SOX6: variants seen among roughly 807,000 people sequenced by gnomAD.
SOX6 encodes transcription factor SOX-6.
SOX6 carries 11 observed loss-of-function variants against 97.8 expected under a neutral mutation model. That is an observed-to-expected ratio of 0.11 (90% CI 0.07 to 0.19). The LOEUF (loss-of-function observed/expected upper bound fraction) is 0.19. Among genes scored for constraint, SOX6 ranks in the 10% least tolerant of loss-of-function variants. The pLI, the probability that SOX6 is intolerant of heterozygous loss-of-function variation, is 1.00. For synonymous variants in SOX6, 360 were observed against 371.4 expected, an observed-to-expected ratio of 0.97 and a Z score of 0.35; for missense variants, 810 against 1,039.5, an observed-to-expected ratio of 0.78 and a Z score of 3.04.
At chr11:16,505,716 C>T (rs542106993) in intron 4 of SOX6, among the ~76,000 whole-genome samples, 142 of 152,298 alleles carry the variant, frequency 9.3e-4, no homozygotes, top group African/African-American at 3.4e-3. Context: ...GTTCTGTGAG[C>T]CATACTCAGG....
chr11:16,479,069 G>A (rs1860299615), upstream of SOX6, among the ~76,000 whole-genome samples: 1 of 151,962 alleles, frequency 6.6e-6, no homozygotes, highest in African/African-American at 2.4e-5. Flanking sequence ...AAAAATAATG[G>A]CCTTTCCCAT....
intron 4 of SOX6, among the ~76,000 whole-genome samples, chr11:16,575,542 A>G (rs990142056): frequency 6.6e-6 from 1 of 152,262 alleles, no homozygotes; most frequent in African/African-American, 2.4e-5. Flanking sequence ...TGATATTCAC[A>G]CAATAAAAAT....
At chr11:16,304,133 C>T (rs1855346948) in intron 3 of SOX6, among the ~76,000 whole-genome samples, 1 of 152,150 alleles carries the variant, frequency 6.6e-6, no homozygotes, top group South Asian at 2.1e-4. Flanking sequence ...CCAAGCTGGT[C>T]TCAAACTCCT....
Position 16,108,783 on chromosome 11 carries a change from A to T in SOX6, c.898+3020T>A, listed in dbSNP as rs1292670043. Among the ~76,000 whole-genome samples the T allele has an allele frequency of 3.3e-5, 5 of 152,332 alleles. No individual in the cohort carries two copies. The East Asian group carries it at 9.6e-4, about 29-fold the overall frequency. ...AGGTGGGAGAGCTTGCCTAGTGTTT[A>T]CTACACGCTGGGACTCTGAAATGCC... On this transcript the variant is annotated intron_variant, in intron 7 of 15. Transcript: ENST00000683767.
At chr11:16,486,804 C>T (rs779514099) in intron 4 of SOX6, among the ~76,000 whole-genome samples, 8 of 151,980 alleles carry the variant, frequency 5.3e-5, no homozygotes, top group East Asian at 3.9e-4. Flanking sequence ...ACCAAGATTG[C>T]GCCACTGCAC....
chr11:16,001,447 G>C (rs1854406057), intron 13 of SOX6, among the ~76,000 whole-genome samples: 1 of 152,164 alleles, frequency 6.6e-6, no homozygotes, highest in Admixed American at 6.6e-5. Context: ...TGATTAACCA[G>C]TTGCTGGTAA....
At chr11:16,039,917 G>T (rs1219671215) in intron 12 of SOX6, among the ~76,000 whole-genome samples, 1 of 151,802 alleles carries the variant, frequency 6.6e-6, no homozygotes, top group African/African-American at 2.4e-5. Context: ...GAGAACAGCT[G>T]GTCTGGAAGG....
chr11:16,674,189 C>CA lies in SOX6; in HGVS notation n.429+40640dup, dbSNP rs61516612. On this transcript the variant is annotated intron_variant and non_coding_transcript_variant, in intron 3 of 5. Coordinates refer to the SOX6 transcript ENST00000524520. ...TGGGCGACAGAGTGAGACTCCATCTCAAAAAAAAAAAAAAAAAAAATCATT... is the reference window on the plus strand; with the variant it reads ...TGGGCGACAGAGTGAGACTCCATCTCAAAAAAAAAAAAAAAAAAAAATCATT... Among the ~76,000 whole-genome samples, 179 of 76,294 alleles carry CA rather than the reference C, an allele frequency of 2.3e-3. 1 individual carries two copies. Among genetic ancestry groups the CA allele is most frequent in the East Asian group, 0.011 (26 of 2,268 alleles). 50.1% of individuals were successfully genotyped at this position (76,294 alleles called of 152,430 possible). A position where few individuals can be genotyped will look rare whatever the true frequency, so the allele number is the denominator to read the frequency against.
rs1285763218 is a variant in SOX6, at chr11:16,607,535, C to A, written n.609+4546G>T. On this transcript the variant is annotated intron_variant and non_coding_transcript_variant, in intron 4 of 5. Coordinates refer to the SOX6 transcript ENST00000524520. This position sits in a 1 kb window ranked among gnomAD's most constrained non-coding sequence, Gnocchi z 6.5. Reference sequence around the variant, plus strand: ...CCCCCCAGCGCCGCGGCCGGCGTAGCCCGTTAACTCAAGTCTGCGGGGGTG... The same window carrying A: ...CCCCCCAGCGCCGCGGCCGGCGTAGACCGTTAACTCAAGTCTGCGGGGGTG... 6.6e-6 allele frequency: 1 copy of A among 152,424 alleles called. No individual in the cohort carries two copies. The highest frequency in any genetic ancestry group is 2.4e-5 in the African/African-American group (1 of 41,464). The allele number at this position is 152,424 out of a possible 1,614,324, so 9.4% of individuals were successfully genotyped here.
At chr11:16,692,998 T>C (rs983372719) in intron 3 of SOX6, among the ~76,000 whole-genome samples, 28 of 152,210 alleles carry the variant, frequency 1.8e-4, no homozygotes, top group African/African-American at 6.8e-4. Flanking sequence ...ATTCTCTTAC[T>C]GTTTGGCATT....
At chr11:16,130,661 TG>T (rs1413761860) in intron 6 of SOX6, among the ~76,000 whole-genome samples, 12 of 151,730 alleles carry the variant, frequency 7.9e-5, no homozygotes, top group African/African-American at 2.9e-4. Context: ...AAATTTGATA[TG>T]AAAAAAAATA....
chr11:15,972,767 G>C lies in SOX6; in HGVS notation c.*42C>G, dbSNP rs181290655. The stretch of plus-strand genomic sequence containing the variant: ...TTAATAACTCTTTGTTGGGGAGGGG[G>C]GTGAAATGTCAGAGTACTTTAATTC... On this transcript the variant is annotated 3_prime_UTR_variant, in exon 16 of 16. Transcript: ENST00000683767. The C allele has an allele frequency of 6.2e-7, 1 of 1,603,916 alleles. No homozygotes were observed. Among genetic ancestry groups the C allele is most frequent in the South Asian group, 1.1e-5 (1 of 90,850 alleles).
At chr11:16,575,143 A>C (rs1847970901) in intron 4 of SOX6, among the ~76,000 whole-genome samples, 1 of 152,164 alleles carries the variant, frequency 6.6e-6, no homozygotes, top group Non-Finnish European at 1.5e-5. Flanking sequence ...TAGCTTATTT[A>C]AAAAGTGCTT....
intron 2 of SOX6, among the ~76,000 whole-genome samples, chr11:16,723,182 G>T (rs1848279574): frequency 6.6e-6 from 1 of 152,178 alleles, no homozygotes. Context: ...GCAGGAATAT[G>T]AATAGAGCTG....
chr11:16,090,568 T>C (rs1388639530), intron 9 of SOX6, among the ~76,000 whole-genome samples: 1 of 151,954 alleles, frequency 6.6e-6, no homozygotes, highest in Non-Finnish European at 1.5e-5. Flanking sequence ...TTAAGAAGCC[T>C]ATCTAGAAAA....
intron 1 of SOX6, among the ~76,000 whole-genome samples, chr11:16,425,164 TC>T (rs1859100126): frequency 6.6e-6 from 1 of 152,242 alleles, no homozygotes; most frequent in Non-Finnish European, 1.5e-5. Flanking sequence ...TTTTCTTCAT[TC>T]CCTTTGGACT....
At chr11:16,374,949 T>TA (rs1301476259) in intron 1 of SOX6, among the ~76,000 whole-genome samples, 4 of 151,960 alleles carry the variant, frequency 2.6e-5, no homozygotes, top group Non-Finnish European at 5.9e-5. Context: ...ATCACTGTTT[T>TA]AAAAAAAGGA....
intron 1 of SOX6, among the ~76,000 whole-genome samples, chr11:16,454,902 T>G (rs1348318382): frequency 6.6e-6 from 1 of 152,126 alleles, no homozygotes; most frequent in Admixed American, 6.6e-5. Context: ...CATGATTTCT[T>G]GGCAGACTGA....
chr11:16,629,610 G>A lies in SOX6; in HGVS notation n.430-17350C>T, dbSNP rs553049937. Among the ~76,000 whole-genome samples the A allele has an allele frequency of 1.1e-4, 17 of 152,156 alleles. No individual in the cohort carries two copies. The South Asian group carries it at 2.1e-3, about 19-fold the overall frequency. On this transcript the variant is annotated intron_variant and non_coding_transcript_variant, in intron 3 of 5. Coordinates refer to the SOX6 transcript ENST00000524520. ...GTATCAGAGTGATGCTTACTTCATA[G>A]AATGAGATAGGAAGGAGTCCTTCCT...
Sources: allele counts gnomAD v4.1 joint callset (sites outside exome capture counted in the v4.1 genomes callset), GRCh38; gene constraint gnomAD v4.1.1; non-coding constraint Gnocchi (gnomAD v3.1); transcripts MANE v1.5; gene names NCBI Gene and HGNC (gene_info 2026-07-23, HGNC 2026-07-21).